DISP3: variants seen among roughly 807,000 people sequenced by gnomAD.
DISP3 encodes dispatched RND transporter family member 3.
DISP3 carries 101 observed loss-of-function variants against 135.3 expected under a neutral mutation model. That is an observed-to-expected ratio of 0.75 (90% CI 0.64 to 0.88). The LOEUF is 0.88. DISP3 is among the 40% of genes least tolerant of loss of function. DISP3 has a pLI of 0.00. For missense variants in DISP3, 1,713 were observed against 1,878.6 expected (o/e 0.91, Z 1.63); for synonymous variants, 856 against 817.0 (o/e 1.05, Z -0.81).
Position 11,525,205 on chromosome 1 carries a change from G to T in DISP3, c.2506G>T (p.Val836Leu). 3 of 1,614,074 alleles carry T rather than the reference G, an allele frequency of 1.9e-6. No homozygotes were observed. The highest frequency in any genetic ancestry group is 2.5e-6 in the Non-Finnish European group (3 of 1,179,952). ...CCCAGGCACCGTGTACATCTCTAAA[G>T]TGAAGAGTCAAGGCCACCCCGCTGT... ...DFPGTVYISKVKSQGHPAVYR... is the reference protein window; with the variant it reads ...DFPGTVYISKLKSQGHPAVYR... The change falls in exon 12 of 21, where the codon GTG becomes TTG. Residue 836 changes from valine (V) to leucine (L), a missense_variant. Physicochemically the swap from Val to Leu is conservative, Grantham distance 32. Coordinates refer to ENST00000294484, the MANE Select transcript of DISP3 (RefSeq NM_020780.2).
intron 3 of DISP3, among the ~76,000 whole-genome samples, chr1:11,512,465 C>A (rs1641883284): frequency 6.6e-6 from 1 of 152,194 alleles, no homozygotes; most frequent in African/African-American, 2.4e-5. Flanking sequence ...TGCCACCAGT[C>A]TCTTTGCTAA....
In DISP3 at chr1:11,524,010, G is replaced by A; in HGVS notation, c.2431G>A (p.Gly811Ser). The change falls in exon 11 of 21, where the codon GGC (glycine) becomes AGC (serine). Residue 811 changes from glycine (G) to serine (S), a missense_variant. By Grantham distance (56) the Gly-to-Ser change is moderately conservative. This residue lies in a region of DISP3 where 1,142 missense variants were observed against 1,384.6 expected (regional missense o/e 0.82). Coordinates refer to ENST00000294484, the MANE Select transcript of DISP3 (RefSeq NM_020780.2). The stretch of plus-strand genomic sequence containing the variant: ...GACGTCCCTGGAGAAGAAGAGGCGA[G>A]GCTCAGGGGTCCCCTGGGCTAGCCG... Reference protein sequence around the residue: ...IRTSLEKKRRGSGVPWASRPE... With the variant: ...IRTSLEKKRRSSGVPWASRPE... 6.2e-7 allele frequency: 1 copy of A among 1,613,422 alleles called. No homozygotes were observed. The highest frequency in any genetic ancestry group is 1.1e-5 in the South Asian group (1 of 91,070).
intron 11 of DISP3, among the ~76,000 whole-genome samples, chr1:11,524,890 G>A (rs942321835): frequency 2.0e-5 from 1 of 49,232 alleles, no homozygotes; most frequent in Non-Finnish European, 3.8e-5. Context: ...CCCCATCCCC[G>A]TGCCCACTAT....
chr1:11,503,524 G>A (rs190130962), intron 3 of DISP3, among the ~76,000 whole-genome samples: 28 of 152,252 alleles, frequency 1.8e-4, no homozygotes, highest in South Asian at 6.2e-4. Flanking sequence ...GCCAGAGAGC[G>A]TAGAGTTTTG....
chr1:11,522,871 GCCCAGCCAGAGCCCAGCCAGGA>G, intron 10 of DISP3, among the ~76,000 whole-genome samples: 1 of 28,924 alleles, frequency 3.5e-5, no homozygotes, highest in Non-Finnish European at 7.1e-5. Context: ...CCCAGCCAGA[GCCCAGCCAGAGCCCAGCCAGGA>G]CCCAGCCAGA....
chr1:11,512,724 G>A (rs986159882), intron 3 of DISP3, among the ~76,000 whole-genome samples: 1 of 152,124 alleles, frequency 6.6e-6, no homozygotes, highest in Non-Finnish European at 1.5e-5. Flanking sequence ...CTTTTCAGCA[G>A]AGCCCCACTC....
intron 1 of DISP3, chr1:11,481,835 AGTC>A (rs1640912570): frequency 1.3e-5 from 2 of 152,202 alleles, no homozygotes; most frequent in African/African-American, 4.8e-5. Flanking sequence ...CCACTAGTGA[AGTC>A]ATCCTGTTCC....
intron 1 of DISP3, among the ~76,000 whole-genome samples, chr1:11,487,355 A>G (rs1223715988): frequency 6.6e-6 from 1 of 152,184 alleles, no homozygotes; most frequent in Non-Finnish European, 1.5e-5. Flanking sequence ...GGGCAGCTAC[A>G]TGGAGAATGG....
At chr1:11,522,248 A>C (rs985574301) in intron 10 of DISP3, among the ~76,000 whole-genome samples, 3 of 152,126 alleles carry the variant, frequency 2.0e-5, no homozygotes, top group Non-Finnish European at 2.9e-5. Flanking sequence ...AGCTCACAGG[A>C]GCAGATCTGC....
Position 11,529,776 on chromosome 1 carries a change from C to T in DISP3, c.2930-11C>T. ...CTGCCTTCCCTTACAGCTGTGACTC[C>T]CTGTTCGCAGTGCCCAAGGCCCGTC... On this transcript the variant is annotated splice_polypyrimidine_tract_variant and intron_variant, in intron 14 of 20. Transcript: ENST00000294484. The surrounding 1 kb of genome is among the most constrained non-coding windows in gnomAD (Gnocchi z 4.7). 6.2e-7 allele frequency: 1 copy of T among 1,610,082 alleles called. No homozygotes were observed. The highest frequency in any genetic ancestry group is 8.5e-7 in the Non-Finnish European group (1 of 1,177,304).
intron 3 of DISP3, among the ~76,000 whole-genome samples, chr1:11,512,827 C>G (rs1203384770): frequency 6.6e-6 from 1 of 152,164 alleles, no homozygotes; most frequent in East Asian, 1.9e-4. Context: ...ATCAGACTTA[C>G]AGTTCCGCAT....
chr1:11,482,127 T>A (rs1163127973), intron 1 of DISP3, among the ~76,000 whole-genome samples: 1 of 152,180 alleles, frequency 6.6e-6, no homozygotes, highest in Non-Finnish European at 1.5e-5. Flanking sequence ...CATACTTCCC[T>A]CGTCTCCCCA....
chr1:11,502,945 C>A, intron 3 of DISP3, 48 bp downstream of exon 3: 1 of 1,474,586 alleles, frequency 6.8e-7, no homozygotes, highest in South Asian at 1.2e-5. Flanking sequence ...TTTTTGATTT[C>A]CAATTGCCTC....
At chr1:11,497,213 A>T (rs1004577358) in intron 1 of DISP3, among the ~76,000 whole-genome samples, 1 of 152,078 alleles carries the variant, frequency 6.6e-6, no homozygotes, top group Admixed American at 6.5e-5. Flanking sequence ...TTAAAATTTT[A>T]AAAAATTTTT....
At chr1:11,523,374 A>T (rs1355397668) in intron 10 of DISP3, among the ~76,000 whole-genome samples, 10 of 152,276 alleles carry the variant, frequency 6.6e-5, no homozygotes, top group African/African-American at 1.9e-4. Context: ...AGAGGATGTG[A>T]TGTCCCACCC....
chr1:11,519,983 G>A lies in DISP3; in HGVS notation c.2200+103G>A. On this transcript the variant is annotated intron_variant, in intron 9 of 20. Transcript: ENST00000294484. This position sits in a 1 kb window ranked among gnomAD's most constrained non-coding sequence, Gnocchi z 4.3. Reference sequence around the variant, plus strand: ...TCTCGCAGATGCCCCAGGGTCAGAGGCCTGGGCTGGGGTCTCTCCCTCTCT... The same window carrying A: ...TCTCGCAGATGCCCCAGGGTCAGAGACCTGGGCTGGGGTCTCTCCCTCTCT... The A allele has an allele frequency of 8.3e-7, 1 of 1,200,876 alleles. No homozygotes were observed. The highest frequency in any genetic ancestry group is 2.3e-5 in the Admixed American group (1 of 43,450). 74.4% of individuals were successfully genotyped at this position (1,200,876 alleles called of 1,614,324 possible).
At chr1:11,524,161 G>C in intron 11 of DISP3, 106 bp downstream of exon 11, 2 of 876,756 alleles carry the variant, frequency 2.3e-6, no homozygotes, top group South Asian at 3.2e-5. Flanking sequence ...TCAAGAAGGA[G>C]ATTGTGTGTT....
chr1:11,536,375 G>T lies in DISP3; in HGVS notation c.3868G>T (p.Gly1290Cys). 1 of 1,609,058 alleles carries T rather than the reference G, an allele frequency of 6.2e-7. No individual in the cohort carries two copies. Reference protein sequence around the residue: ...WRTLEAVRHVGVAIVSSALTT... With the variant: ...WRTLEAVRHVCVAIVSSALTT... ...TACGCTGGAGGCCGTGCGGCACGTG[G>T]GCGTGGCCATCGTCTCCAGTGCCCT... Residue 1290 changes from glycine to cysteine, a missense_variant, in exon 21 of 21, where the codon GGC becomes TGC. By Grantham distance (159) the Gly-to-Cys change is radical. Around this residue, in one of 2 missense-constraint regions of DISP3, gnomAD observed 1,142 missense variants for 1,384.6 expected, o/e 0.82. Coordinates refer to ENST00000294484, the MANE Select transcript of DISP3 (RefSeq NM_020780.2). The surrounding 1 kb of genome is among the most constrained non-coding windows in gnomAD (Gnocchi z 4.3).
intron 1 of DISP3, among the ~76,000 whole-genome samples, chr1:11,498,665 C>T (rs1641411164): frequency 6.6e-6 from 1 of 152,106 alleles, no homozygotes; most frequent in Non-Finnish European, 1.5e-5. Flanking sequence ...AAAACACAGC[C>T]AGGTACATGT....
Sources: gnomAD v4.1 joint callset for allele counts (sites outside exome capture counted in the v4.1 genomes callset) on GRCh38, gnomAD v4.1.1 for gene constraint, gnomAD v4.1.1 regional missense constraint, Gnocchi (gnomAD v3.1) non-coding constraint, MANE v1.5 for transcripts, NCBI Gene and HGNC (gene_info 2026-07-23, HGNC 2026-07-21) for gene names.